Variants in MARCHF1 observed in about 807,000 individuals in gnomAD.
MARCHF1 encodes the protein membrane associated ring-CH-type finger 1.
Under a neutral mutation model 54.2 loss-of-function variants are expected in MARCHF1, and 40 were observed. The ratio of observed to expected loss-of-function variants is 0.74; its 90% CI spans 0.57 to 0.96. MARCHF1 has a LOEUF of 0.96. Among genes scored for constraint, MARCHF1 ranks in the 40% least tolerant of loss-of-function variants. The pLI, the probability that MARCHF1 is intolerant of heterozygous loss-of-function variation, is 0.00. For synonymous variants in MARCHF1, 236 were observed against 236.3 expected, an observed-to-expected ratio of 1.00 and a Z score of 0.01; for missense variants, 586 against 656.5, an observed-to-expected ratio of 0.89 and a Z score of 1.17.
At chr4:163,894,142 T>A (rs747350206) in intron 3 of MARCHF1, among the ~76,000 whole-genome samples, 12 of 152,146 alleles carry the variant, frequency 7.9e-5, no homozygotes, top group Non-Finnish European at 1.6e-4. Flanking sequence ...AGTAATATTA[T>A]TTCGTATTAG....
In MARCHF1 at chr4:164,312,503, T is replaced by C. The variant is rs1165482700; in HGVS notation, c.-323+71367A>G. Among the ~76,000 whole-genome samples, 3 of 151,690 alleles carry C rather than the reference T, an allele frequency of 2.0e-5. No homozygotes were observed. In the South Asian group the frequency reaches 6.2e-4, roughly 32 times the overall value. ...ACGCCCAGCTAATTTTTTGTATATT[T>C]AGTAGAGACAGGGTTTCACCATGTT... On this transcript the variant is annotated intron_variant, in intron 1 of 9. Transcript: ENST00000514618.
At chr4:163,883,050 G>A (rs1350487762) in intron 3 of MARCHF1, among the ~76,000 whole-genome samples, 2 of 152,130 alleles carry the variant, frequency 1.3e-5, no homozygotes, top group Non-Finnish European at 2.9e-5. Context: ...GCACCTAGGA[G>A]ACAGGTTTGC....
intron 2 of MARCHF1, among the ~76,000 whole-genome samples, chr4:164,040,395 T>C (rs1754102741): frequency 6.8e-6 from 1 of 146,070 alleles, no homozygotes; most frequent in Non-Finnish European, 1.5e-5. Context: ...TATTTATATA[T>C]AAATTCATAT....
intron 4 of MARCHF1, among the ~76,000 whole-genome samples, chr4:163,778,594 T>G (rs1182850879): frequency 1.3e-5 from 2 of 152,186 alleles, no homozygotes; most frequent in African/African-American, 4.8e-5. Context: ...ATGAATGGAA[T>G]CAACCTAATT....
intron 3 of MARCHF1, among the ~76,000 whole-genome samples, chr4:163,954,758 T>A (rs1462187310): frequency 6.6e-6 from 1 of 152,156 alleles, no homozygotes; most frequent in Non-Finnish European, 1.5e-5. Context: ...GATGCTGACA[T>A]CACATTCAGT....
chr4:163,572,083 T>TA (rs775989554), intron 8 of MARCHF1, among the ~76,000 whole-genome samples: 6 of 152,132 alleles, frequency 3.9e-5, no homozygotes, highest in African/African-American at 9.6e-5. Flanking sequence ...TTTTTAAATT[T>TA]AAAAAAATAT....
At chr4:164,211,950 G>C (rs1731785864) in intron 1 of MARCHF1, among the ~76,000 whole-genome samples, 1 of 152,020 alleles carries the variant, frequency 6.6e-6, no homozygotes. Context: ...TGAAAAGGGA[G>C]AGATAAAGAA....
At chr4:164,002,881 A>G (rs925483517) in intron 2 of MARCHF1, among the ~76,000 whole-genome samples, 4 of 151,948 alleles carry the variant, frequency 2.6e-5, no homozygotes, top group Admixed American at 6.6e-5. Flanking sequence ...TCTTTAGTAC[A>G]TCTGAAATAA....
At chr4:163,786,285 TTAAAA>T (rs575165219) in intron 4 of MARCHF1, among the ~76,000 whole-genome samples, 72 of 152,138 alleles carry the variant, frequency 4.7e-4, no homozygotes, top group African/African-American at 1.7e-3. Flanking sequence ...AGCATATGAA[TTAAAA>T]TTAAATTGTG....
chr4:164,022,382 T>G (rs1007671834), intron 2 of MARCHF1, among the ~76,000 whole-genome samples: 1 of 152,106 alleles, frequency 6.6e-6, no homozygotes, highest in Non-Finnish European at 1.5e-5. Flanking sequence ...GATCTTTGGA[T>G]AGAGAACACT....
chr4:164,020,160 G>T (rs1213154030), intron 2 of MARCHF1, among the ~76,000 whole-genome samples: 2 of 152,102 alleles, frequency 1.3e-5, no homozygotes, highest in Non-Finnish European at 2.9e-5. Context: ...CTTCATAAGA[G>T]TTTACTAGAG....
intron 4 of MARCHF1, among the ~76,000 whole-genome samples, chr4:163,734,216 T>C (rs1745964625): frequency 6.6e-6 from 1 of 152,208 alleles, no homozygotes; most frequent in African/African-American, 2.4e-5. Context: ...AATCCTCACA[T>C]ACTGTTGGTG....
intron 1 of MARCHF1, among the ~76,000 whole-genome samples, chr4:164,179,431 T>A (rs1730775647): frequency 6.6e-6 from 1 of 152,182 alleles, no homozygotes; most frequent in Admixed American, 6.5e-5. Context: ...AAAATAGTAG[T>A]AAGTTTATAT....
chr4:163,848,739 A>G (rs1444192568), intron 4 of MARCHF1, among the ~76,000 whole-genome samples: 1 of 152,200 alleles, frequency 6.6e-6, no homozygotes, highest in Non-Finnish European at 1.5e-5. Context: ...AATTGTGAGG[A>G]TATGTGCTTA....
chr4:164,153,529 TAAAG>T (rs977686062), intron 1 of MARCHF1, among the ~76,000 whole-genome samples: 13 of 152,034 alleles, frequency 8.6e-5, no homozygotes, highest in African/African-American at 2.9e-4. Flanking sequence ...AATAATTTAA[TAAAG>T]AAAGTCCACC....
intron 1 of MARCHF1, among the ~76,000 whole-genome samples, chr4:164,174,823 A>G (rs1310285211): frequency 6.6e-6 from 1 of 152,242 alleles, no homozygotes; most frequent in African/African-American, 2.4e-5. Flanking sequence ...CTGGTAAATT[A>G]TTAAGATAAA....
In MARCHF1 at chr4:164,172,681, A is replaced by T. The variant is rs188157055; in HGVS notation, c.-322-61019T>A. Reference sequence around the variant, plus strand: ...TCAGATTATTATAAAAGGACACTTTAAAAAAGTCACTACAGGCTGGGCGCG... The same window carrying T: ...TCAGATTATTATAAAAGGACACTTTTAAAAAGTCACTACAGGCTGGGCGCG... On this transcript the variant is annotated intron_variant, in intron 1 of 9. Coordinates refer to ENST00000514618, the MANE Select transcript of MARCHF1 (RefSeq NM_001394959.1). Among the ~76,000 whole-genome samples, 37 of 152,304 alleles carry T rather than the reference A, an allele frequency of 2.4e-4. No individual in the cohort carries two copies. In the East Asian group the frequency reaches 6.8e-3, roughly 28 times the overall value.
rs561279899 is a variant in MARCHF1 at position 163,631,748 on chromosome 4, G to A, written c.163-18355C>T. Among the ~76,000 whole-genome samples the A allele has an allele frequency of 2.6e-5, 4 of 152,248 alleles. No individual in the cohort carries two copies. The South Asian group carries it at 6.2e-4, about 24-fold the overall frequency. On this transcript the variant is annotated intron_variant, in intron 5 of 9. Transcript: ENST00000514618. ...ACATAGGGAAAAACTGTATGACATT[G>A]GATTTGGCAATGATTTCTTACATAT...
intron 5 of MARCHF1, among the ~76,000 whole-genome samples, chr4:163,699,511 C>A (rs1446768581): frequency 6.6e-6 from 1 of 151,990 alleles, no homozygotes; most frequent in Non-Finnish European, 1.5e-5. Flanking sequence ...AGTTATAAAG[C>A]CTTTTGATTC....
Sources: gnomAD v4.1 joint callset for allele counts (sites outside exome capture counted in the v4.1 genomes callset) on GRCh38, gnomAD v4.1.1 for gene constraint, MANE v1.5 for transcripts, NCBI Gene and HGNC (gene_info 2026-07-23, HGNC 2026-07-21) for gene names.